The following SLC13A3 variants were observed in gnomAD, a reference collection of about 807,000 sequenced individuals.
The protein encoded by SLC13A3 is Na(+)/dicarboxylate cotransporter 3.
In SLC13A3, 40 loss-of-function variants were observed where a neutral mutation model predicts 59.0. The observed-to-expected ratio is 0.68, with a 90% CI of 0.53 to 0.88. SLC13A3 has a LOEUF of 0.88. SLC13A3 is among the 40% of genes least tolerant of loss of function. The pLI, the probability that SLC13A3 is intolerant of heterozygous loss-of-function variation, is 0.00. For synonymous variants in SLC13A3, 317 were observed against 330.3 expected, an observed-to-expected ratio of 0.96 and a Z score of 0.44; for missense variants, 699 against 783.2, an observed-to-expected ratio of 0.89 and a Z score of 1.28.
intron 1 of SLC13A3, among the ~76,000 whole-genome samples, chr20:46,659,505 A>G (rs918798069): frequency 3.3e-5 from 5 of 152,208 alleles, no homozygotes; most frequent in African/African-American, 1.2e-4. Flanking sequence ...GCTTGAGTTC[A>G]GGAGTTTGAG....
At chr20:46,580,283 G>A (rs1600513401) in intron 9 of SLC13A3, among the ~76,000 whole-genome samples, 1 of 151,918 alleles carries the variant, frequency 6.6e-6, no homozygotes, top group South Asian at 2.1e-4. Flanking sequence ...GATCTCAGCT[G>A]TTGTCTCCCT....
At chr20:46,604,341 C>T (rs1405371832) in intron 3 of SLC13A3, among the ~76,000 whole-genome samples, 2 of 152,308 alleles carry the variant, frequency 1.3e-5, no homozygotes, top group African/African-American at 2.4e-5. Flanking sequence ...GGCATGTGTG[C>T]CCCGCCCCCT....
Position 46,559,065 on chromosome 20 carries a change from C to A in SLC13A3, c.*957G>T, listed in dbSNP as rs924079491. Reference sequence around the variant, plus strand: ...GGCCCCAATTTATCTTTTGACTTTTCTCTCACCCCTGACAAATGGGGCCTT... The same window carrying A: ...GGCCCCAATTTATCTTTTGACTTTTATCTCACCCCTGACAAATGGGGCCTT... On this transcript the variant is annotated 3_prime_UTR_variant, in exon 13 of 13. Transcript: ENST00000279027. 6.6e-6 allele frequency: 1 copy of A among 152,232 alleles called. No homozygotes were observed. Among genetic ancestry groups the A allele is most frequent in the South Asian group, 2.1e-4 (1 of 4,816 alleles). 9.4% of individuals were successfully genotyped at this position (152,232 alleles called of 1,614,324 possible).
chr20:46,565,779 C>G (rs1269250684), intron 11 of SLC13A3, among the ~76,000 whole-genome samples: 5 of 152,238 alleles, frequency 3.3e-5, no homozygotes, highest in African/African-American at 7.2e-5. Context: ...AGGGATGCCA[C>G]TACACACCCT....
intron 1 of SLC13A3, among the ~76,000 whole-genome samples, chr20:46,679,608 C>G (rs931549982): frequency 6.8e-6 from 1 of 147,514 alleles, no homozygotes; most frequent in Admixed American, 6.8e-5. Flanking sequence ...AGCGAGACTC[C>G]GTCTCAAAAA....
chr20:46,653,911 A>G (rs2122894486), upstream of SLC13A3, among the ~76,000 whole-genome samples: 1 of 152,296 alleles, frequency 6.6e-6, no homozygotes, highest in East Asian at 1.9e-4. Flanking sequence ...ATAGGTGTAC[A>G]AAGAGTATCT....
intron 10 of SLC13A3, among the ~76,000 whole-genome samples, chr20:46,566,846 T>C (rs936734768): frequency 1.3e-5 from 2 of 150,484 alleles, no homozygotes; most frequent in Non-Finnish European, 3.0e-5. Context: ...GAAATATATA[T>C]ACAAGACTTA....
At chr20:46,636,622 A>C (rs2062797706) in intron 1 of SLC13A3, among the ~76,000 whole-genome samples, 1 of 152,130 alleles carries the variant, frequency 6.6e-6, no homozygotes, top group African/African-American at 2.4e-5. Context: ...TCACAGCCCC[A>C]TGAGGCTGGT....
At chr20:46,561,002 C>G (rs2061925857) in intron 12 of SLC13A3, among the ~76,000 whole-genome samples, 1 of 152,190 alleles carries the variant, frequency 6.6e-6, no homozygotes, top group South Asian at 2.1e-4. Flanking sequence ...ATCTTGGGGC[C>G]CCCAAATTAC....
At chr20:46,623,142 T>A (rs2062633127) in intron 1 of SLC13A3, among the ~76,000 whole-genome samples, 1 of 152,182 alleles carries the variant, frequency 6.6e-6, no homozygotes, top group Non-Finnish European at 1.5e-5. Context: ...TGGGTGATCC[T>A]GACAAGGGCA....
upstream of SLC13A3, among the ~76,000 whole-genome samples, chr20:46,670,630 G>C (rs1347335830): frequency 6.6e-6 from 1 of 152,140 alleles, no homozygotes; most frequent in Admixed American, 6.5e-5. Context: ...GGCCCTGAAA[G>C]ACAGGAAGCT....
rs142387353 is a variant in SLC13A3 at position 46,679,475 on chromosome 20, G to A, written c.-31+4921C>T. ...TAAAAAATACAAAAATTCGCCGGGCGTGGTGGCGGGCGCCTGTAGTCCCAG... is the reference window on the plus strand; with the variant it reads ...TAAAAAATACAAAAATTCGCCGGGCATGGTGGCGGGCGCCTGTAGTCCCAG... On this transcript the variant is annotated intron_variant, in intron 1 of 6. Transcript: ENST00000372121. Among the ~76,000 whole-genome samples, 570 of 152,316 alleles carry A rather than the reference G, an allele frequency of 3.7e-3. 9 individuals carry two copies. The highest frequency in any genetic ancestry group is 0.031 in the East Asian group (159 of 5,178).
At chr20:46,667,947 G>A (rs534606549) in intron 1 of SLC13A3, among the ~76,000 whole-genome samples, 1 of 152,192 alleles carries the variant, frequency 6.6e-6, no homozygotes, top group Middle Eastern at 3.4e-3. Context: ...AGTTACTATT[G>A]TAATTGTTTT....
chr20:46,657,918 A>G (rs780877190), intron 1 of SLC13A3, among the ~76,000 whole-genome samples: 4 of 152,080 alleles, frequency 2.6e-5, no homozygotes, highest in Admixed American at 6.6e-5. Flanking sequence ...CCATGACCCA[A>G]ACACTTCCCA....
chr20:46,671,761 C>T (rs1455388419), upstream of SLC13A3, among the ~76,000 whole-genome samples: 1 of 152,130 alleles, frequency 6.6e-6, no homozygotes, highest in East Asian at 1.9e-4. Flanking sequence ...GAGTCTTGCA[C>T]CAGGTGGGTA....
At chr20:46,632,464 G>GAA (rs776435292) in intron 1 of SLC13A3, among the ~76,000 whole-genome samples, 22 of 139,028 alleles carry the variant, frequency 1.6e-4, no homozygotes, top group Admixed American at 4.8e-4. Context: ...CCCCCAAGGG[G>GAA]GAAAAAAAAA....
intron 1 of SLC13A3, among the ~76,000 whole-genome samples, chr20:46,624,178 C>G (rs746347612): frequency 1.3e-5 from 2 of 152,146 alleles, no homozygotes; most frequent in Non-Finnish European, 2.9e-5. Context: ...TCACAGGAAC[C>G]CCATCCTTCT....
chr20:46,620,195 C>G (rs1447895454), intron 1 of SLC13A3, among the ~76,000 whole-genome samples: 1 of 152,124 alleles, frequency 6.6e-6, no homozygotes, highest in Non-Finnish European at 1.5e-5. Context: ...TATGTTATGT[C>G]TATTTGTTCA....
rs530812536 is a variant in SLC13A3, at chr20:46,606,595, T to C, written c.541+3851A>G. 5.3e-5 allele frequency among the ~76,000 whole-genome samples: 8 copies of C among 152,252 alleles called. No homozygotes were observed. In the South Asian group the frequency reaches 1.7e-3, roughly 32 times the overall value. On this transcript the variant is annotated intron_variant, in intron 3 of 12. Coordinates refer to ENST00000279027, the MANE Select transcript of SLC13A3 (RefSeq NM_022829.6). ...GGCTCACGCCTGTAAGCCCAGTGCT[T>C]TGGGAGGCCGAGGCTAGAGGATCAC... is the stretch of plus-strand genomic sequence containing the variant.
Sources: allele counts gnomAD v4.1 joint callset (sites outside exome capture counted in the v4.1 genomes callset), GRCh38; gene constraint gnomAD v4.1.1; transcripts MANE v1.5; gene names NCBI Gene and HGNC (gene_info 2026-07-23, HGNC 2026-07-21).